The following RFTN1 variants were observed in gnomAD, a reference collection of about 807,000 sequenced individuals.
RFTN1 encodes raftlin.
Under a neutral mutation model 46.5 loss-of-function variants are expected in RFTN1, and 26 were observed. The observed-to-expected ratio is 0.56, with a 90% CI of 0.41 to 0.78. The LOEUF (loss-of-function observed/expected upper bound fraction) is 0.78. Ranked by LOEUF, RFTN1 falls within the 30% of genes least tolerant of loss-of-function variation. The probability of loss-of-function intolerance (pLI) is 0.00; values close to 1 mark genes in which losing one functional copy is unlikely to be tolerated. For missense variants in RFTN1, 693 were observed against 718.7 expected (o/e 0.96, Z 0.41); for synonymous variants, 261 against 284.2 (o/e 0.92, Z 0.82).
rs530452303 is a variant in RFTN1, at chr3:16,481,429, T to C, written c.145+12296A>G. Among the ~76,000 whole-genome samples, 3 of 152,320 alleles carry C rather than the reference T, an allele frequency of 2.0e-5. No homozygotes were observed. The South Asian group carries it at 6.2e-4, about 32-fold the overall frequency. On this transcript the variant is annotated intron_variant, in intron 2 of 9. Coordinates refer to ENST00000334133, the MANE Select transcript of RFTN1 (RefSeq NM_015150.2). The surrounding 1 kb of genome is among the most constrained non-coding windows in gnomAD (Gnocchi z 5.1). The stretch of plus-strand genomic sequence containing the variant: ...TCTTTGCATCTTCTGTTTAAAAACA[T>C]GGTCTGTTTTTAACACACCTCCCAG...
rs758155911 is a variant in RFTN1 at position 16,357,985 on chromosome 3, T to G, written c.1093A>C (p.Lys365Gln). ...IFEAVSTEDS[K>Q]TIQGYDAIVV... ...ATAGCATCATAGCCCTGTATGGTTTTGCTATCTTCTGTGGAAACAGCTTCA... is the reference window on the plus strand; with the variant it reads ...ATAGCATCATAGCCCTGTATGGTTTGGCTATCTTCTGTGGAAACAGCTTCA... The change falls in exon 7 of 10, where the codon AAA becomes CAA. Residue 365 changes from lysine to glutamine, a missense_variant. Lys to Gln is a moderately conservative substitution (Grantham distance 53). Coordinates refer to ENST00000334133, the MANE Select transcript of RFTN1 (RefSeq NM_015150.2). 1 of 1,613,248 alleles carries G rather than the reference T, an allele frequency of 6.2e-7. No homozygotes were observed. Among genetic ancestry groups the G allele is most frequent in the Non-Finnish European group, 8.5e-7 (1 of 1,179,796 alleles).
At chr3:16,488,555 A>G (rs190505679) in intron 2 of RFTN1, among the ~76,000 whole-genome samples, 1 of 152,340 alleles carries the variant, frequency 6.6e-6, no homozygotes, top group East Asian at 1.9e-4. Context: ...AAAATCTGCT[A>G]TGGTTAAAAC....
rs537666561 is a variant in RFTN1 at position 16,465,210 on chromosome 3, C to T, written c.145+28515G>A. ...ATGGAAGGCAACTATTCAAGGATGC[C>T]ACTTCAAGGTAAAAAAAAAAAAAGC... On this transcript the variant is annotated intron_variant, in intron 2 of 9. Coordinates refer to ENST00000334133, the MANE Select transcript of RFTN1 (RefSeq NM_015150.2). The surrounding 1 kb of genome is among the most constrained non-coding windows in gnomAD (Gnocchi z 5.1). Among the ~76,000 whole-genome samples, 62 of 148,290 alleles carry T rather than the reference C, an allele frequency of 4.2e-4. No homozygotes were observed. The highest frequency in any genetic ancestry group is 7.9e-4 in the Non-Finnish European group (53 of 67,070).
chr3:16,419,551 T>C (rs560474460), intron 3 of RFTN1, among the ~76,000 whole-genome samples: 258 of 152,292 alleles, frequency 1.7e-3, no homozygotes, highest in African/African-American at 4.8e-3. Context: ...ACCTGCACCT[T>C]CCCAGAGATG....
At position 16,383,282 on chromosome 3, in the gene RFTN1, T is replaced by C. The variant is rs1375052174; in HGVS notation, c.442-5180A>G. Among the ~76,000 whole-genome samples the C allele has an allele frequency of 6.6e-6, 1 of 152,130 alleles. No homozygotes were observed. The highest frequency in any genetic ancestry group is 2.1e-4 in the South Asian group (1 of 4,822). On this transcript the variant is annotated intron_variant, in intron 4 of 9. Transcript: ENST00000334133. The surrounding 1 kb of genome is among the most constrained non-coding windows in gnomAD (Gnocchi z 4.0). ...TGATATACACCCTCACCCACCTTAT[T>C]CTCATTTCTGCTGCCTGTAAGAACC...
chr3:16,510,417 C>T (rs1423612748), intron 1 of RFTN1, among the ~76,000 whole-genome samples: 1 of 152,236 alleles, frequency 6.6e-6, no homozygotes, highest in Non-Finnish European at 1.5e-5. Flanking sequence ...AGGGTACATT[C>T]CCCTATGGAA....
rs145551035 is a variant in RFTN1, at chr3:16,473,872, G to A, written c.145+19853C>T. On this transcript the variant is annotated intron_variant, in intron 2 of 9. Transcript: ENST00000334133. This position sits in a 1 kb window ranked among gnomAD's most constrained non-coding sequence, Gnocchi z 5.3. ...AAACCTACCTCTCCGGGCTGCCCTC[G>A]CCCTTGTGAACACTGACTTCTCTGA... Among the ~76,000 whole-genome samples, 379 of 152,212 alleles carry A rather than the reference G, an allele frequency of 2.5e-3. 2 individuals carry two copies. The highest frequency in any genetic ancestry group is 8.6e-3 in the African/African-American group (355 of 41,518).
At chr3:16,369,391 G>A (rs2073392334) in intron 6 of RFTN1, among the ~76,000 whole-genome samples, 1 of 152,234 alleles carries the variant, frequency 6.6e-6, no homozygotes, top group African/African-American at 2.4e-5. Flanking sequence ...TGGCACGTTG[G>A]TCCCACTCCC....
chr3:16,391,367 G>A (rs1323891737), intron 4 of RFTN1, among the ~76,000 whole-genome samples: 1 of 152,130 alleles, frequency 6.6e-6, no homozygotes, highest in African/African-American at 2.4e-5. Context: ...ATAGAATACA[G>A]TACCACCCCT....
In RFTN1 at chr3:16,452,868, T is replaced by C. The variant is rs370200491; in HGVS notation, c.146-18831A>G. On this transcript the variant is annotated intron_variant, in intron 2 of 9. Transcript: ENST00000334133. This position sits in a 1 kb window ranked among gnomAD's most constrained non-coding sequence, Gnocchi z 6.3. ...TGCACTTAGTGTTTCAGAATTTAAA[T>C]GCTGCTTTTTAATCTCCTTTTTTGA... is the stretch of plus-strand genomic sequence containing the variant. Among the ~76,000 whole-genome samples the C allele has an allele frequency of 2.6e-5, 4 of 152,254 alleles. No homozygotes were observed. The highest frequency in any genetic ancestry group is 9.6e-5 in the African/African-American group (4 of 41,460).
rs2073446634 is a variant in RFTN1 at position 16,370,368 on chromosome 3, G to A, written c.827-89C>T. The A allele has an allele frequency of 2.5e-6, 3 of 1,202,990 alleles. No homozygotes were observed. The highest frequency in any genetic ancestry group is 1.3e-5 in the South Asian group (1 of 79,956). The allele number at this position is 1,202,990 out of a possible 1,614,324, so 74.5% of individuals were successfully genotyped here. ...TCGGCTTAAGTGGAATCTCTCAGGAGCCTGAATAAATGATATGATGAATGC... is the reference window on the plus strand; with the variant it reads ...TCGGCTTAAGTGGAATCTCTCAGGAACCTGAATAAATGATATGATGAATGC... On this transcript the variant is annotated intron_variant, in intron 5 of 9. Coordinates refer to ENST00000334133, the MANE Select transcript of RFTN1 (RefSeq NM_015150.2). This position sits in a 1 kb window ranked among gnomAD's most constrained non-coding sequence, Gnocchi z 5.5.
Position 16,421,749 on chromosome 3 carries a change from C to T in RFTN1, c.332+12102G>A, listed in dbSNP as rs1433720113. ...CCACATGAGAGAGAGAAGGATTTTA[C>T]ATTTACATTACGGGTATTCTCTTCA... On this transcript the variant is annotated intron_variant, in intron 3 of 9. Coordinates refer to ENST00000334133, the MANE Select transcript of RFTN1 (RefSeq NM_015150.2). The surrounding 1 kb of genome is among the most constrained non-coding windows in gnomAD (Gnocchi z 4.6). Among the ~76,000 whole-genome samples the T allele has an allele frequency of 6.6e-6, 1 of 152,176 alleles. No individual in the cohort carries two copies. The highest frequency in any genetic ancestry group is 1.5e-5 in the Non-Finnish European group (1 of 68,030).
At chr3:16,478,146 T>C (rs1303024715) in intron 2 of RFTN1, among the ~76,000 whole-genome samples, 3 of 152,188 alleles carry the variant, frequency 2.0e-5, no homozygotes, top group African/African-American at 4.8e-5. Flanking sequence ...TGGAAAATTG[T>C]CCCCAACCAA....
intron 3 of RFTN1, among the ~76,000 whole-genome samples, chr3:16,411,240 G>T (rs1262997180): frequency 6.6e-6 from 1 of 152,126 alleles, no homozygotes; most frequent in Non-Finnish European, 1.5e-5. Context: ...CATCTCACCA[G>T]TTTCTAACTG....
At position 16,400,361 on chromosome 3, in the gene RFTN1, G is replaced by C. The variant is rs1345630013; in HGVS notation, c.441+9014C>G. Among the ~76,000 whole-genome samples the C allele has an allele frequency of 6.6e-6, 1 of 152,070 alleles. No homozygotes were observed. The highest frequency in any genetic ancestry group is 1.5e-5 in the Non-Finnish European group (1 of 68,026). ...CAGGTCTTGGTATGTACACTTCATG[G>C]AGCACTCCCCCAACACTGCCAGCCT... is the stretch of plus-strand genomic sequence containing the variant. On this transcript the variant is annotated intron_variant, in intron 4 of 9. Transcript: ENST00000334133. This position sits in a 1 kb window ranked among gnomAD's most constrained non-coding sequence, Gnocchi z 4.5.
intron 2 of RFTN1, among the ~76,000 whole-genome samples, chr3:16,461,802 C>T (rs1427682855): frequency 6.6e-6 from 1 of 152,186 alleles, no homozygotes; most frequent in East Asian, 1.9e-4. Flanking sequence ...GTACACACAC[C>T]TTAAACCATC....
intron 3 of RFTN1, among the ~76,000 whole-genome samples, chr3:16,409,746 G>C (rs1370377349): frequency 6.7e-6 from 1 of 150,030 alleles, no homozygotes; most frequent in Non-Finnish European, 1.5e-5. Flanking sequence ...GTGCAGTGGC[G>C]TGATCTCGGC....
intron 3 of RFTN1, among the ~76,000 whole-genome samples, chr3:16,419,391 C>A (rs866026647): frequency 2.0e-5 from 3 of 152,168 alleles, no homozygotes; most frequent in Middle Eastern, 3.4e-3. Flanking sequence ...ATTAAGCAGG[C>A]GGCAGTGTGT....
chr3:16,328,280 C>T (rs1056927252), intron 7 of RFTN1, among the ~76,000 whole-genome samples: 1 of 152,240 alleles, frequency 6.6e-6, no homozygotes, highest in Non-Finnish European at 1.5e-5. Context: ...GTGCCAAGGT[C>T]TGTGGTCGGC....
Sources: gnomAD v4.1 joint callset for allele counts (sites outside exome capture counted in the v4.1 genomes callset) on GRCh38, gnomAD v4.1.1 for gene constraint, Gnocchi (gnomAD v3.1) non-coding constraint, MANE v1.5 for transcripts, NCBI Gene and HGNC (gene_info 2026-07-23, HGNC 2026-07-21) for gene names.